LPP: variants seen among roughly 807,000 people sequenced by gnomAD.
LPP encodes LIM domain containing preferred translocation partner in lipoma.
A neutral mutation model predicts 60.4 loss-of-function variants in LPP; 38 were observed. That is an observed-to-expected ratio of 0.63 (90% confidence interval 0.49 to 0.83). The LOEUF (loss-of-function observed/expected upper bound fraction) is 0.83. LPP is among the 40% of genes least tolerant of loss of function. The probability of loss-of-function intolerance (pLI) is 0.00; values close to 1 mark genes in which losing one functional copy is unlikely to be tolerated. For missense variants in LPP, 902 were observed against 783.6 expected, an observed-to-expected ratio of 1.15 and a Z score of -1.80; for synonymous variants, 328 against 290.8, an observed-to-expected ratio of 1.13 and a Z score of -1.30.
intron 4 of LPP, among the ~76,000 whole-genome samples, chr3:188,460,134 AT>A (rs1406434349): frequency 6.6e-6 from 1 of 152,164 alleles, no homozygotes; most frequent in Non-Finnish European, 1.5e-5. Flanking sequence ...ATTTACAGAC[AT>A]CTTTCTATTT....
intron 6 of LPP, among the ~76,000 whole-genome samples, chr3:188,581,542 TC>T (rs1836120996): frequency 1.3e-5 from 2 of 152,246 alleles, no homozygotes; most frequent in South Asian, 4.1e-4. Flanking sequence ...AATGTCCTGG[TC>T]CTGGACTTTA....
intron 7 of LPP, chr3:188,688,731 C>A (rs767870930): frequency 2.6e-5 from 12 of 468,920 alleles, no homozygotes; most frequent in Middle Eastern, 4.7e-4. Context: ...GTGCCTTTTG[C>A]ATGGTAGACA....
intron 3 of LPP, among the ~76,000 whole-genome samples, chr3:188,344,298 ACCGTT>A (rs1170736871): frequency 6.6e-6 from 1 of 152,192 alleles, no homozygotes; most frequent in Non-Finnish European, 1.5e-5. Flanking sequence ...TTAATCAGTT[ACCGTT>A]TTTTGAAGTG....
At chr3:188,665,169 T>C (rs1249084509) in intron 7 of LPP, among the ~76,000 whole-genome samples, 3 of 152,322 alleles carry the variant, frequency 2.0e-5, no homozygotes, top group Non-Finnish European at 4.4e-5. Flanking sequence ...GACTTATCAT[T>C]ATAATGAAAT....
intron 2 of LPP, among the ~76,000 whole-genome samples, chr3:188,280,284 C>T (rs1741459075): frequency 6.6e-6 from 1 of 152,156 alleles, no homozygotes; most frequent in Non-Finnish European, 1.5e-5. Context: ...CTCTGTCAGT[C>T]ATCTCTATCA....
intron 1 of LPP, among the ~76,000 whole-genome samples, chr3:188,197,511 C>T (rs896725539): frequency 1.3e-5 from 2 of 152,100 alleles, no homozygotes; most frequent in Non-Finnish European, 2.9e-5. Flanking sequence ...TGGTTGCCTG[C>T]GTTTTCATCT....
intron 6 of LPP, among the ~76,000 whole-genome samples, chr3:188,596,571 G>T (rs757375484): frequency 6.6e-6 from 1 of 151,714 alleles, no homozygotes; most frequent in Non-Finnish European, 1.5e-5. Context: ...TCAAATCATC[G>T]TAATACAGTG....
intron 7 of LPP, among the ~76,000 whole-genome samples, chr3:188,653,464 G>GT (rs961093210): frequency 8.6e-5 from 13 of 151,494 alleles, no homozygotes; most frequent in Admixed American, 3.3e-4. Flanking sequence ...TTATAGCACT[G>GT]TTTTTTTTAA....
At chr3:188,369,955 GTCTC>G (rs1183505122) in intron 3 of LPP, among the ~76,000 whole-genome samples, 3 of 152,176 alleles carry the variant, frequency 2.0e-5, no homozygotes, top group Non-Finnish European at 4.4e-5. Context: ...CTGAGACAGA[GTCTC>G]TCTCTGTTGC....
intron 5 of LPP, among the ~76,000 whole-genome samples, chr3:188,498,844 A>G (rs936329786): frequency 7.2e-5 from 11 of 152,122 alleles, no homozygotes; most frequent in African/African-American, 2.2e-4. Flanking sequence ...TAGCCATCCT[A>G]ATGGGTGCAG....
At chr3:188,499,213 A>AATGTC (rs1397256952) in intron 5 of LPP, among the ~76,000 whole-genome samples, 4 of 152,174 alleles carry the variant, frequency 2.6e-5, no homozygotes, top group African/African-American at 9.7e-5. Context: ...TGCCAAATTC[A>AATGTC]ATGTCATGAT....
intron 9 of LPP, among the ~76,000 whole-genome samples, chr3:188,807,330 G>A (rs1577684148): frequency 6.6e-6 from 1 of 151,628 alleles, no homozygotes; most frequent in Admixed American, 6.6e-5. Flanking sequence ...TAGTTTTCTG[G>A]TTTTAGTTTT....
intron 4 of LPP, among the ~76,000 whole-genome samples, chr3:188,451,306 T>A (rs1445535760): frequency 1.3e-5 from 2 of 152,188 alleles, no homozygotes; most frequent in African/African-American, 4.8e-5. Context: ...TAAGTGTCTG[T>A]TTCTGGTCAT....
chr3:188,829,852 C>T (rs1264141287), intron 9 of LPP, among the ~76,000 whole-genome samples: 5 of 151,834 alleles, frequency 3.3e-5, no homozygotes, highest in African/African-American at 7.3e-5. Flanking sequence ...CTTGCCCTCC[C>T]GGACACATGG....
At chr3:188,547,994 A>G (rs1827118743) in intron 6 of LPP, among the ~76,000 whole-genome samples, 1 of 152,168 alleles carries the variant, frequency 6.6e-6, no homozygotes, top group South Asian at 2.1e-4. Flanking sequence ...ACCTTGGAGC[A>G]CTCAGAAAAG....
chr3:188,872,711 T>G lies in LPP; in HGVS notation c.1658T>G (p.Val553Gly). 1 of 1,614,152 alleles carries G rather than the reference T, an allele frequency of 6.2e-7. No homozygotes were observed. The highest frequency in any genetic ancestry group is 8.5e-7 in the Non-Finnish European group (1 of 1,180,014). Residue 553 changes from valine to glycine, a missense_variant, in exon 11 of 12, where the codon GTC becomes GGC. Transcript: ENST00000617246. ...IMPAPGQEETVRIVALDRDFH... is the reference protein window; with the variant it reads ...IMPAPGQEETGRIVALDRDFH... ...CCAGCCCCGGGCCAGGAGGAGACTG[T>G]CCGTATTGTGGCTTTGGATCGAGAT...
At chr3:188,606,330 C>CCA (rs1842365576) in intron 6 of LPP, among the ~76,000 whole-genome samples, 1 of 152,140 alleles carries the variant, frequency 6.6e-6, no homozygotes, top group Non-Finnish European at 1.5e-5. Flanking sequence ...TGAATCCTGA[C>CCA]TCTTATGGCT....
intron 2 of LPP, among the ~76,000 whole-genome samples, chr3:188,250,756 T>C (rs946109425): frequency 8.2e-6 from 1 of 121,526 alleles, no homozygotes; most frequent in Non-Finnish European, 1.7e-5. Flanking sequence ...CTTTCTTTCT[T>C]TCTTTCTTTC....
intron 9 of LPP, among the ~76,000 whole-genome samples, chr3:188,780,488 A>G (rs1475094852): frequency 6.6e-6 from 1 of 152,116 alleles, no homozygotes; most frequent in Non-Finnish European, 1.5e-5. Context: ...TTTGGTAAAG[A>G]GGGTGACATT....
Sources: allele counts gnomAD v4.1 joint callset (sites outside exome capture counted in the v4.1 genomes callset), GRCh38; gene constraint gnomAD v4.1.1; transcripts MANE v1.5; gene names NCBI Gene and HGNC (gene_info 2026-07-23, HGNC 2026-07-21).